Variants in DOCK1 observed in about 807,000 individuals in gnomAD.
DOCK1 encodes the protein dedicator of cytokinesis 1.
In DOCK1, 138 loss-of-function variants were observed where a neutral mutation model predicts 262.7. That is an observed-to-expected ratio of 0.53 (90% CI 0.46 to 0.61). The LOEUF (loss-of-function observed/expected upper bound fraction) is 0.61, where lower values mean the gene tolerates loss of function less well. DOCK1 is among the 20% of genes least tolerant of loss of function. The pLI is 0.00. For missense variants in DOCK1, 1,908 were observed against 2,370.7 expected, an observed-to-expected ratio of 0.80 and a Z score of 4.05; for synonymous variants, 866 against 867.4, an observed-to-expected ratio of 1.00 and a Z score of 0.03.
intron 40 of DOCK1, among the ~76,000 whole-genome samples, chr10:127,405,326 A>G (rs984513504): frequency 6.6e-6 from 1 of 152,208 alleles, no homozygotes; most frequent in African/African-American, 2.4e-5. Flanking sequence ...GAGAAGTTAC[A>G]TAAATATTAA....
chr10:127,346,318 G>A (rs932512790), intron 31 of DOCK1, among the ~76,000 whole-genome samples: 2 of 152,202 alleles, frequency 1.3e-5, no homozygotes, highest in African/African-American at 2.4e-5. Context: ...CACTAACAGC[G>A]GTGCGGTGGC....
At chr10:127,347,223 G>T (rs920171445) in intron 31 of DOCK1, among the ~76,000 whole-genome samples, 6 of 152,226 alleles carry the variant, frequency 3.9e-5, no homozygotes, top group African/African-American at 1.4e-4. Flanking sequence ...GCATAAAAGG[G>T]ATTCAGTGCC....
chr10:127,421,984 G>A (rs1316259844), intron 46 of DOCK1, among the ~76,000 whole-genome samples: 1 of 152,120 alleles, frequency 6.6e-6, no homozygotes, highest in East Asian at 1.9e-4. Context: ...TACTCCCATA[G>A]TTTGGGGTAT....
intron 18 of DOCK1, among the ~76,000 whole-genome samples, chr10:127,036,983 A>T (rs1221365514): frequency 6.9e-6 from 1 of 145,484 alleles, no homozygotes; most frequent in African/African-American, 2.5e-5. Flanking sequence ...ATCTCAAGGA[A>T]AAAAAAAAAA....
At chr10:127,241,658 G>C (rs1192919701) in intron 27 of DOCK1, among the ~76,000 whole-genome samples, 1 of 152,124 alleles carries the variant, frequency 6.6e-6, no homozygotes, top group African/African-American at 2.4e-5. Context: ...TTCTAGGTTT[G>C]GTTTGGGACT....
chr10:126,917,178 G>A (rs1019885550), intron 1 of DOCK1, among the ~76,000 whole-genome samples: 1 of 152,222 alleles, frequency 6.6e-6, no homozygotes, highest in Non-Finnish European at 1.5e-5. Flanking sequence ...TGATTCTGCT[G>A]CCATGAGCGT....
At position 127,451,603 on chromosome 10, in the gene DOCK1, C is replaced by A; in HGVS notation, c.*176C>A. 2 of 1,435,842 alleles carry A rather than the reference C, an allele frequency of 1.4e-6. No individual in the cohort carries two copies. The highest frequency in any genetic ancestry group is 2.8e-5 in the South Asian group (2 of 71,284). The allele number at this position is 1,435,842 out of a possible 1,614,324, so 88.9% of individuals were successfully genotyped here. A position where few individuals can be genotyped will look rare whatever the true frequency, so the allele number is the denominator to read the frequency against. On this transcript the variant is annotated 3_prime_UTR_variant, in exon 52 of 52. Transcript: ENST00000623213. ...CCATGGAGTGAGTGGCCTTTAGCGT[C>A]ATGGAGCAAGGTGGGTCTGGGAGGT... is the stretch of plus-strand genomic sequence containing the variant.
intron 23 of DOCK1, among the ~76,000 whole-genome samples, chr10:127,101,186 G>A (rs2048222592): frequency 1.3e-5 from 2 of 152,080 alleles, no homozygotes; most frequent in Non-Finnish European, 1.5e-5. Flanking sequence ...TTCCTTTCTT[G>A]TGGTGGCTTT....
Position 127,032,139 on chromosome 10 carries a change from C to T in DOCK1, c.1731C>T (p.Ala577=), listed in dbSNP as rs371528496. Residue 577 remains alanine (A), a splice_region_variant and synonymous_variant, in exon 18 of 52, where the codon GCC becomes GCT. Coordinates refer to ENST00000623213, the MANE Select transcript of DOCK1 (RefSeq NM_001290223.2). ...ATACGGCATGACTAAATCCACAGGC[C>T]GAAGCAAAGAAGCTGGAAGATGCTG... ...DGEHDLIVYK[A]EAKKLEDAAT... The T allele has an allele frequency of 2.2e-4, 344 of 1,586,202 alleles. No individual in the cohort carries two copies. Among genetic ancestry groups the T allele is most frequent in the Non-Finnish European group, 2.5e-4 (297 of 1,166,138 alleles).
intron 27 of DOCK1, among the ~76,000 whole-genome samples, chr10:127,183,609 G>T (rs1464722843): frequency 6.6e-6 from 1 of 152,298 alleles, no homozygotes; most frequent in East Asian, 1.9e-4. Flanking sequence ...GTTAGTGCTT[G>T]TAATCTTCTC....
intron 1 of DOCK1, among the ~76,000 whole-genome samples, chr10:126,938,111 A>G (rs1456908197): frequency 6.6e-6 from 1 of 150,714 alleles, no homozygotes; most frequent in East Asian, 2.0e-4. Flanking sequence ...CAATGGCACG[A>G]TCTCAGCTCA....
At chr10:127,196,815 C>T (rs2057207503) in intron 27 of DOCK1, among the ~76,000 whole-genome samples, 1 of 152,044 alleles carries the variant, frequency 6.6e-6, no homozygotes, top group Admixed American at 6.5e-5. Context: ...CTCCGGGTTT[C>T]TGGGCTGCAG....
At chr10:127,303,875 G>T (rs1354780015) in intron 29 of DOCK1, among the ~76,000 whole-genome samples, 1 of 152,128 alleles carries the variant, frequency 6.6e-6, no homozygotes, top group Non-Finnish European at 1.5e-5. Context: ...AAATAGTTTA[G>T]TGGCAGGTGA....
intron 29 of DOCK1, among the ~76,000 whole-genome samples, chr10:127,296,207 G>A (rs1329343636): frequency 1.3e-5 from 2 of 152,130 alleles, no homozygotes; most frequent in Admixed American, 6.5e-5. Context: ...TTTTGTTATC[G>A]AAGCAGGTCA....
At chr10:127,300,741 G>T (rs1197696913) in intron 29 of DOCK1, among the ~76,000 whole-genome samples, 1 of 152,084 alleles carries the variant, frequency 6.6e-6, no homozygotes, top group African/African-American at 2.4e-5. Context: ...CTCCCCAGCC[G>T]TTTTCTCTCC....
rs116170632 is a variant in DOCK1, at chr10:127,024,549, G to C, written c.1453-136G>C. 4,392 of 684,708 alleles carry C rather than the reference G, an allele frequency of 6.4e-3. 47 individuals carry two copies. The highest frequency in any genetic ancestry group is 0.035 in the African/African-American group (1,917 of 55,542). 42.4% of individuals were successfully genotyped at this position (684,708 alleles called of 1,614,324 possible). ...CAGGTGGATCTGTGCTTCCCTTGCT[G>C]GGAACGTGTTCATTTGTGGTGGGGG... On this transcript the variant is annotated intron_variant, in intron 14 of 51. Coordinates refer to ENST00000623213, the MANE Select transcript of DOCK1 (RefSeq NM_001290223.2).
intron 29 of DOCK1, among the ~76,000 whole-genome samples, chr10:127,334,411 G>T (rs760775689): frequency 2.6e-5 from 4 of 152,146 alleles, no homozygotes; most frequent in South Asian, 2.1e-4. Flanking sequence ...TGCTTTAATT[G>T]CATTGGCTTG....
chr10:127,108,376 A>T (rs1210774595), intron 24 of DOCK1, among the ~76,000 whole-genome samples: 1 of 152,128 alleles, frequency 6.6e-6, no homozygotes, highest in Non-Finnish European at 1.5e-5. Context: ...TCATGAGGTC[A>T]GGAATTCGAG....
chr10:127,233,823 G>A (rs993545197), intron 27 of DOCK1, among the ~76,000 whole-genome samples: 35 of 152,194 alleles, frequency 2.3e-4, no homozygotes, highest in African/African-American at 8.2e-4. Flanking sequence ...TATAAGTTGT[G>A]TTTTGAAGGT....
Sources: allele counts gnomAD v4.1 joint callset (sites outside exome capture counted in the v4.1 genomes callset), GRCh38; gene constraint gnomAD v4.1.1; transcripts MANE v1.5; gene names NCBI Gene and HGNC (gene_info 2026-07-23, HGNC 2026-07-21).